TRAPPC2L: variants seen among roughly 807,000 people sequenced by gnomAD.
TRAPPC2L encodes the protein trafficking protein particle complex subunit 2L.
TRAPPC2L carries 17 observed loss-of-function variants against 13.2 expected under a neutral mutation model. The ratio of observed to expected loss-of-function variants is 1.29; its 90% CI spans 0.88 to 1.93. The LOEUF (loss-of-function observed/expected upper bound fraction) is 1.93. TRAPPC2L is among the 30% of genes most tolerant of loss of function. TRAPPC2L has a pLI of 0.00. For synonymous variants in TRAPPC2L, 150 were observed against 98.1 expected, an observed-to-expected ratio of 1.53 and a Z score of -3.12; for missense variants, 359 against 252.1, an observed-to-expected ratio of 1.42 and a Z score of -2.87.
chr16:88,859,435 G>A (rs1968215840), intron 2 of TRAPPC2L: 1 of 701,350 alleles, frequency 1.4e-6, no homozygotes, highest in Admixed American at 2.0e-5. Flanking sequence ...CTCCTGGAGT[G>A]TGAACTGGGT....
chr16:88,860,944 G>T (rs1212924007), exon 4 of TRAPPC2L: 1 of 1,593,018 alleles, frequency 6.3e-7, no homozygotes, highest in Non-Finnish European at 8.5e-7. Flanking sequence ...CGTCGATGAT[G>T]ATACAGGTGT....
upstream of TRAPPC2L, chr16:88,856,508 G>C (rs761032858): frequency 6.9e-5 from 48 of 698,204 alleles, no homozygotes; most frequent in Non-Finnish European, 1.0e-4. Context: ...TGTGGTGATC[G>C]GTGACCGCCG....
At chr16:88,856,813 A>G (rs1413898166), upstream of TRAPPC2L, 2 of 1,502,224 alleles carry the variant, frequency 1.3e-6, no homozygotes, top group South Asian at 2.4e-5. Flanking sequence ...CGAGGCCCCC[A>G]TCCCCGCGGC....
At position 88,858,607 on chromosome 16, in the gene TRAPPC2L, C is replaced by A; in HGVS notation, c.34-12C>A. 1 of 1,611,116 alleles carries A rather than the reference C, an allele frequency of 6.2e-7. No homozygotes were observed. Among genetic ancestry groups the A allele is most frequent in the Non-Finnish European group, 8.5e-7 (1 of 1,178,586 alleles). ...GTCTTGTCCTTTCAGTCGCCGTCAT[C>A]CTTTCTTGCAGAATTACCCCCTCTA... is the stretch of plus-strand genomic sequence containing the variant. On this transcript the variant is annotated splice_polypyrimidine_tract_variant and intron_variant, in intron 1 of 3. Transcript: ENST00000565504.
At chr16:88,857,102 G>T, upstream of TRAPPC2L, 1 of 1,554,528 alleles carries the variant, frequency 6.4e-7, no homozygotes, top group South Asian at 1.2e-5. Context: ...GAGGCCGCGT[G>T]ACCAGCGGCG....
chr16:88,858,853 T>A, intron 2 of TRAPPC2L, 62 bp downstream of exon 2: 1 of 1,531,316 alleles, frequency 6.5e-7, no homozygotes, highest in Non-Finnish European at 8.8e-7. Flanking sequence ...TACTTTAGGA[T>A]CAGATAACTT....
intron 2 of TRAPPC2L, chr16:88,858,999 G>A (rs984052023): frequency 1.5e-5 from 9 of 595,396 alleles, no homozygotes; most frequent in African/African-American, 9.3e-5. Context: ...AGAATTCCCC[G>A]TAGAATGTTT....
chr16:88,857,041 A>G, upstream of TRAPPC2L: 6 of 1,428,670 alleles, frequency 4.2e-6, no homozygotes, highest in Non-Finnish European at 5.5e-6. Context: ...CTGCCTCGTG[A>G]CCAGTGGGGC....
At chr16:88,860,337 A>T in exon 4 of TRAPPC2L, 1 of 681,382 alleles carries the variant, frequency 1.5e-6, no homozygotes. Flanking sequence ...TTTTATGTTG[A>T]ATTTGGAACA....
exon 4 of TRAPPC2L, chr16:88,861,328 G>A (rs1968372986): frequency 2.7e-6 from 1 of 367,972 alleles, no homozygotes; most frequent in African/African-American, 2.1e-5. Context: ...TGAACAGGTG[G>A]GCTGGTCTGG....
rs2143015556 is a variant in TRAPPC2L at position 88,858,706 on chromosome 16, GAGA to G, written c.125_127del (p.Lys42del). On this transcript the variant is annotated inframe_deletion, in exon 2 of 4. Transcript: ENST00000565504. ...GCACACATCTCTGGACGTGGTGGATGAGAAGATCTCCGCAATGGGGAAGGCCCT... is the reference window on the plus strand; with the variant it reads ...GCACACATCTCTGGACGTGGTGGATGAGATCTCCGCAATGGGGAAGGCCCT... The G allele has an allele frequency of 1.9e-6, 3 of 1,613,626 alleles. No homozygotes were observed. The East Asian group carries it at 6.7e-5, about 36-fold the overall frequency.
exon 4 of TRAPPC2L, chr16:88,861,691 C>CT: frequency 2.1e-6 from 1 of 480,346 alleles, no homozygotes; most frequent in Non-Finnish European, 4.3e-6. Flanking sequence ...GTCAGTGCCG[C>CT]CGGCGTCCTT....
At chr16:88,857,420 C>T (rs1160540461) in intron 1 of TRAPPC2L, 3 of 488,200 alleles carry the variant, frequency 6.1e-6, no homozygotes, top group South Asian at 2.9e-5. Flanking sequence ...CGCAGCAGGT[C>T]TCCTCCCCGC....
At chr16:88,856,766 TGAGCAG>T (rs794726887), upstream of TRAPPC2L, 4 of 1,466,912 alleles carry the variant, frequency 2.7e-6, no homozygotes, top group East Asian at 8.5e-5. Context: ...ACGTCGTCCA[TGAGCAG>T]GAGCAGGATG....
At chr16:88,861,698 C>T in exon 4 of TRAPPC2L, 3 of 476,034 alleles carry the variant, frequency 6.3e-6, no homozygotes, top group Non-Finnish European at 1.3e-5. Context: ...CCGCCGGCGT[C>T]CTTGGGGTCC....
intron 1 of TRAPPC2L, among the ~76,000 whole-genome samples, chr16:88,858,086 A>C (rs542014944): frequency 6.6e-6 from 1 of 152,230 alleles, no homozygotes; most frequent in Non-Finnish European, 1.5e-5. Context: ...CCAGTGCTGA[A>C]CACACACAGG....
chr16:88,861,565 T>A (rs1037091857), exon 4 of TRAPPC2L: 4 of 465,538 alleles, frequency 8.6e-6, no homozygotes, highest in Non-Finnish European at 1.3e-5. Flanking sequence ...TCCTAAACCT[T>A]GGAGCGCAGA....
At chr16:88,856,990 C>G, upstream of TRAPPC2L, 1 of 1,390,122 alleles carries the variant, frequency 7.2e-7, no homozygotes. Context: ...ACTCGCGGGG[C>G]GGGGCCAGAG....
chr16:88,859,983 C>T lies in TRAPPC2L; in HGVS notation c.385C>T (p.Leu129Phe), dbSNP rs773997699. ...CCGCATCCAGTCCAGGTGGGCCCTA[C>T]TTTCTGTGTCTTGCCACCTTCTTTC... The change falls in exon 4 of 4, where the codon CTT (leucine) becomes TTT (phenylalanine). Residue 129 changes from leucine (L) to phenylalanine (F), a missense_variant. Physicochemically the swap from Leu to Phe is conservative, Grantham distance 22. Coordinates refer to ENST00000565504, the Ensembl canonical transcript of TRAPPC2L. 1.4e-5 allele frequency: 22 copies of T among 1,613,090 alleles called. No homozygotes were observed. The highest frequency in any genetic ancestry group is 4.5e-5 in the East Asian group (2 of 44,902).
Sources: allele counts gnomAD v4.1 joint callset (sites outside exome capture counted in the v4.1 genomes callset), GRCh38; gene constraint gnomAD v4.1.1; transcripts MANE v1.5; gene names NCBI Gene and HGNC (gene_info 2026-07-23, HGNC 2026-07-21).